The following CALN1 variants were observed in gnomAD, a reference collection of about 807,000 sequenced individuals.
CALN1 encodes calcium-binding protein 8.
Under a neutral mutation model 30.6 loss-of-function variants are expected in CALN1, and 17 were observed. The ratio of observed to expected loss-of-function variants is 0.56; its 90% CI spans 0.38 to 0.83. The LOEUF is 0.83. Ranked by LOEUF, CALN1 falls within the 40% of genes least tolerant of loss-of-function variation. The probability of loss-of-function intolerance (pLI) is 0.00; values close to 1 mark genes in which losing one functional copy is unlikely to be tolerated. For missense variants in CALN1, 291 were observed against 354.9 expected (o/e 0.82, Z 1.45); for synonymous variants, 156 against 131.4 (o/e 1.19, Z -1.28).
chr7:71,796,364 T>A (rs1391894859), intron 6 of CALN1, among the ~76,000 whole-genome samples: 1 of 149,172 alleles, frequency 6.7e-6, no homozygotes, highest in Non-Finnish European at 1.5e-5. Flanking sequence ...CTTTCTTTTT[T>A]TTTTTTTTTT....
intron 5 of CALN1, among the ~76,000 whole-genome samples, chr7:71,951,419 C>T (rs759372769): frequency 2.7e-4 from 41 of 152,168 alleles, no homozygotes; most frequent in Middle Eastern, 3.4e-3. Flanking sequence ...GGTGAAACCC[C>T]GTCTCTACTA....
chr7:72,157,399 C>A (rs1390039282), intron 3 of CALN1, among the ~76,000 whole-genome samples: 2 of 151,946 alleles, frequency 1.3e-5, no homozygotes, highest in South Asian at 4.2e-4. Flanking sequence ...GCACTTGAAC[C>A]CAGGAGTTTG....
At chr7:72,302,711 T>C (rs1028472848) in intron 2 of CALN1, among the ~76,000 whole-genome samples, 2 of 151,728 alleles carry the variant, frequency 1.3e-5, no homozygotes, top group Non-Finnish European at 2.9e-5. Flanking sequence ...CTGGCCAACA[T>C]GGTGAAACCC....
Position 71,785,408 on chromosome 7 carries a change from G to T in CALN1, c.*2367C>A, listed in dbSNP as rs1470888281. On this transcript the variant is annotated 3_prime_UTR_variant, in exon 7 of 7. Transcript: ENST00000395275. ...GAAATCTAACCCTCACCTCTTGAAG[G>T]GTCTCTGTTCTCCAGCAGGAGGCAG... The T allele has an allele frequency of 6.6e-6, 1 of 152,192 alleles. No homozygotes were observed. Among genetic ancestry groups the T allele is most frequent in the African/African-American group, 2.4e-5 (1 of 41,424 alleles). 9.4% of individuals were successfully genotyped at this position (152,192 alleles called of 1,614,324 possible).
At chr7:71,867,097 G>A (rs1791629427) in intron 5 of CALN1, among the ~76,000 whole-genome samples, 1 of 151,230 alleles carries the variant, frequency 6.6e-6, no homozygotes, top group Non-Finnish European at 1.5e-5. Flanking sequence ...GTGAGCCAAG[G>A]TCACACCATT....
chr7:71,971,952 A>AAAGAAAG (rs1797837173), intron 5 of CALN1, among the ~76,000 whole-genome samples: 1 of 112,630 alleles, frequency 8.9e-6, no homozygotes, highest in African/African-American at 4.2e-5. Context: ...AAAAAAAAAA[A>AAAGAAAG]AAAAGAAAGA....
At chr7:72,152,929 T>C (rs1206042215) in intron 3 of CALN1, among the ~76,000 whole-genome samples, 2 of 152,216 alleles carry the variant, frequency 1.3e-5, no homozygotes, top group Non-Finnish European at 2.9e-5. Context: ...TCCTTGCCAG[T>C]TGGACAAACA....
intron 1 of CALN1, among the ~76,000 whole-genome samples, chr7:72,437,653 CTTTCT>C (rs1009623539): frequency 8.6e-5 from 13 of 150,320 alleles, no homozygotes; most frequent in African/African-American, 1.5e-4. Context: ...TTCTCTCTTT[CTTTCT>C]TTTCTTTCTT....
intron 2 of CALN1, among the ~76,000 whole-genome samples, chr7:72,375,641 T>C (rs1804512239): frequency 6.6e-6 from 1 of 151,612 alleles, no homozygotes; most frequent in Admixed American, 6.6e-5. Context: ...TAGGCACATA[T>C]AAAAATATAG....
rs376914912 is a variant in CALN1, at chr7:72,199,577, A to G, written c.244+79109T>C. ...TCTACAAACAATTAAAAAGTTAGCC[A>G]CAGTGGTGCCCGTCTGTAATCCCAG... On this transcript the variant is annotated intron_variant, in intron 3 of 6. Transcript: ENST00000395275. 2.4e-4 allele frequency among the ~76,000 whole-genome samples: 37 copies of G among 152,298 alleles called. No homozygotes were observed. In the East Asian group the frequency reaches 6.6e-3, roughly 27 times the overall value.
At chr7:72,331,727 G>A (rs1269440573) in intron 2 of CALN1, among the ~76,000 whole-genome samples, 1 of 151,898 alleles carries the variant, frequency 6.6e-6, no homozygotes, top group Non-Finnish European at 1.5e-5. Context: ...AGAGGTACAT[G>A]TGCAGGATGT....
In CALN1 at chr7:72,215,372, T is replaced by C. The variant is rs564162977; in HGVS notation, c.244+63314A>G. 1.4e-3 allele frequency among the ~76,000 whole-genome samples: 206 copies of C among 152,178 alleles called. 1 individual carries two copies. Among genetic ancestry groups the C allele is most frequent in the African/African-American group, 4.7e-3 (194 of 41,534 alleles). ...ACTTTGGGAGGCCGAGGTGGGCAGA[T>C]CACCTGAGGTCAGGAGTTCGAGACC... On this transcript the variant is annotated intron_variant, in intron 3 of 6. Coordinates refer to ENST00000395275, the MANE Select transcript of CALN1 (RefSeq NM_031468.4).
At chr7:72,074,162 C>T (rs752083695) in intron 4 of CALN1, among the ~76,000 whole-genome samples, 2 of 152,152 alleles carry the variant, frequency 1.3e-5, no homozygotes, top group Non-Finnish European at 2.9e-5. Flanking sequence ...ATCAGACAGT[C>T]AAAACCAGCC....
At chr7:72,351,619 A>G (rs1449935248) in intron 2 of CALN1, among the ~76,000 whole-genome samples, 2 of 152,228 alleles carry the variant, frequency 1.3e-5, no homozygotes, top group Non-Finnish European at 1.5e-5. Context: ...ATGAAGTGGT[A>G]TAGTATCATT....
intron 3 of CALN1, among the ~76,000 whole-genome samples, chr7:72,129,696 C>T (rs1186012795): frequency 1.3e-5 from 2 of 152,120 alleles, no homozygotes; most frequent in Non-Finnish European, 2.9e-5. Flanking sequence ...CAAGTTAAAG[C>T]TTAGTGATGG....
intron 3 of CALN1, among the ~76,000 whole-genome samples, chr7:72,123,871 A>T (rs530230398): frequency 7.9e-5 from 12 of 152,206 alleles, no homozygotes; most frequent in South Asian, 4.1e-4. Context: ...CTCTATCGAA[A>T]TAAGTCTACA....
chr7:72,349,892 G>A (rs948933107), intron 2 of CALN1, among the ~76,000 whole-genome samples: 4 of 152,104 alleles, frequency 2.6e-5, no homozygotes, highest in Non-Finnish European at 5.9e-5. Context: ...TTGGTTGTCT[G>A]TTTACTTTGT....
intron 3 of CALN1, among the ~76,000 whole-genome samples, chr7:72,147,268 A>T (rs992593995): frequency 6.6e-6 from 1 of 152,188 alleles, no homozygotes; most frequent in African/African-American, 2.4e-5. Context: ...AAACAAATTT[A>T]CAAGAAAAAC....
chr7:71,896,135 A>G (rs1461360465), intron 5 of CALN1, among the ~76,000 whole-genome samples: 1 of 152,170 alleles, frequency 6.6e-6, no homozygotes, highest in Non-Finnish European at 1.5e-5. Flanking sequence ...TTTCCATTTT[A>G]ATAATATACG....
Sources: allele counts gnomAD v4.1 joint callset (sites outside exome capture counted in the v4.1 genomes callset), GRCh38; gene constraint gnomAD v4.1.1; transcripts MANE v1.5; gene names NCBI Gene and HGNC (gene_info 2026-07-23, HGNC 2026-07-21).